The following MTM1 variants were observed in gnomAD, a reference collection of about 807,000 sequenced individuals.
MTM1 encodes myotubularin.
In MTM1, 9 loss-of-function variants were observed where a neutral mutation model predicts 52.1. That is an observed-to-expected ratio of 0.17 (90% CI 0.10 to 0.30). MTM1 has a LOEUF of 0.30. Ranked by LOEUF, MTM1 falls within the 10% of genes least tolerant of loss-of-function variation. The pLI, the probability that MTM1 is intolerant of heterozygous loss-of-function variation, is 1.00. For missense variants in MTM1, 277 were observed against 470.7 expected, an observed-to-expected ratio of 0.59 and a Z score of 3.81; for synonymous variants, 136 against 163.8, an observed-to-expected ratio of 0.83 and a Z score of 1.29.
rs1022385709 is a variant in MTM1, at chrX:150,638,993, A to G, written c.495A>G (p.Thr165=). The G allele has an allele frequency of 1.7e-6, 2 of 1,209,104 alleles. No homozygotes were observed. Among genetic ancestry groups the G allele is most frequent in the Non-Finnish European group, 2.2e-6 (2 of 892,854 alleles). Residue 165 remains threonine, a synonymous_variant, in exon 7 of 15, where the codon ACA becomes ACG. Coordinates refer to ENST00000370396, the MANE Select transcript of MTM1 (RefSeq NM_000252.3). The part of the protein sequence containing the change: ...NEEKFNVDGW[T]VYNPVEEYRR... ...AAAAGTTTAACGTGGATGGATGGACAGTTTACAATCCAGTGGAAGAATACA... is the reference window on the plus strand; with the variant it reads ...AAAAGTTTAACGTGGATGGATGGACGGTTTACAATCCAGTGGAAGAATACA...
At chrX:150,585,678 T>G (rs782211125) in intron 1 of MTM1, among the ~76,000 whole-genome samples, 2 of 112,148 alleles carry the variant, frequency 1.8e-5, no homozygotes, top group East Asian at 5.6e-4. Context: ...CTTGTTCCTA[T>G]TTTAAAACTT....
chrX:150,580,797 T>C (rs964828284), intron 1 of MTM1, among the ~76,000 whole-genome samples: 1 of 111,835 alleles, frequency 8.9e-6, no homozygotes, highest in Non-Finnish European at 1.9e-5. Context: ...CTTTGCATAC[T>C]CCTTCTCTAC....
chrX:150,580,688 A>G (rs1488594523), intron 1 of MTM1, among the ~76,000 whole-genome samples: 1 of 111,581 alleles, frequency 9.0e-6, no homozygotes, highest in Non-Finnish European at 1.9e-5. Flanking sequence ...TAACTGCTCC[A>G]AGTATGAAGA....
chrX:150,627,854 C>T (rs974233568), intron 6 of MTM1, among the ~76,000 whole-genome samples: 2 of 111,950 alleles, frequency 1.8e-5, no homozygotes, highest in Non-Finnish European at 3.8e-5. Flanking sequence ...TGGTTTGGGA[C>T]GCTTATGAAT....
At chrX:150,566,101 G>A (rs1263721670), upstream of MTM1, among the ~76,000 whole-genome samples, 1 of 110,643 alleles carries the variant, frequency 9.0e-6, no homozygotes, top group Non-Finnish European at 1.9e-5. Context: ...ATGTCACCAA[G>A]GGCAAGGCGG....
intron 6 of MTM1, among the ~76,000 whole-genome samples, chrX:150,628,124 A>T (rs1365925664): frequency 9.0e-6 from 1 of 111,278 alleles, no homozygotes; most frequent in Non-Finnish European, 1.9e-5. Flanking sequence ...TTCAGGCCCT[A>T]TCTCCTGTGC....
chrX:150,628,864 T>G (rs1379470857), intron 6 of MTM1, among the ~76,000 whole-genome samples: 1 of 109,823 alleles, frequency 9.1e-6, no homozygotes, highest in Non-Finnish European at 1.9e-5. Flanking sequence ...TTCTTTTCTT[T>G]TAGATGGTGT....
chrX:150,599,885 C>T (rs1373182180), intron 4 of MTM1, among the ~76,000 whole-genome samples: 1 of 112,151 alleles, frequency 8.9e-6, no homozygotes, highest in Non-Finnish European at 1.9e-5. Flanking sequence ...TTAACAACAG[C>T]GAGCTGCATG....
chrX:150,649,138 ATAT>A (rs1234931657), intron 9 of MTM1, among the ~76,000 whole-genome samples: 5 of 112,337 alleles, frequency 4.5e-5, no homozygotes, highest in Non-Finnish European at 9.4e-5. Flanking sequence ...GACCTAGGTA[ATAT>A]TATCCCCTAT....
At chrX:150,629,969 C>T (rs2039638053) in intron 6 of MTM1, among the ~76,000 whole-genome samples, 1 of 112,360 alleles carries the variant, frequency 8.9e-6, no homozygotes. Context: ...ATAGACATTG[C>T]CCAGTGAATG....
At chrX:150,668,511 AC>A (rs369348744) in intron 14 of MTM1, among the ~76,000 whole-genome samples, 31 of 84,262 alleles carry the variant, frequency 3.7e-4, no homozygotes, top group Admixed American at 2.2e-3. Flanking sequence ...ACATAGTGAG[AC>A]CCCCTCCTCC....
chrX:150,647,343 T>C, intron 9 of MTM1, among the ~76,000 whole-genome samples: 1 of 110,090 alleles, frequency 9.1e-6, no homozygotes, highest in Non-Finnish European at 1.9e-5. Flanking sequence ...TTAAAGCTCA[T>C]TCCAGCAACA....
Position 150,645,668 on chromosome X carries a change from C to A in MTM1, c.679-15C>A, listed in dbSNP as rs782203278. 1 of 1,208,020 alleles carries A rather than the reference C, an allele frequency of 8.3e-7. No individual in the cohort carries two copies. Among genetic ancestry groups the A allele is most frequent in the South Asian group, 1.8e-5 (1 of 56,912 alleles). On this transcript the variant is annotated splice_polypyrimidine_tract_variant and intron_variant, in intron 8 of 14. Coordinates refer to ENST00000370396, the MANE Select transcript of MTM1 (RefSeq NM_000252.3). ...TTGCTTTCTTGATAGCTTAAACTTTCTGACTTAACCATAGGTGCTGTCATG... is the reference window on the plus strand; with the variant it reads ...TTGCTTTCTTGATAGCTTAAACTTTATGACTTAACCATAGGTGCTGTCATG...
intron 14 of MTM1, 32 bp from the exon 15 acceptor site, chrX:150,671,396 A>T: frequency 8.3e-7 from 1 of 1,209,039 alleles, no homozygotes; most frequent in East Asian, 3.0e-5. Flanking sequence ...TGCGTGGCAT[A>T]AAGTGTAACT....
rs868983923 is a variant in MTM1 at position 150,571,369 on chromosome X, G to A, written c.-11+2707G>A. ...CCTAGAAGATTTTGACTCTGGATTG[G>A]GCAGCCTGCCCCAATTTGAATCCTG... On this transcript the variant is annotated intron_variant, in intron 1 of 14. Coordinates refer to ENST00000370396, the MANE Select transcript of MTM1 (RefSeq NM_000252.3). Among the ~76,000 whole-genome samples, 30 of 111,725 alleles carry A rather than the reference G, an allele frequency of 2.7e-4. 1 individual carries two copies. In the Middle Eastern group the frequency reaches 0.014, roughly 52 times the overall value.
rs781791352 is a variant in MTM1 at position 150,638,972 on chromosome X, G to T, written c.474G>T (p.Lys158Asn). The change falls in exon 7 of 15, where the codon AAG becomes AAT. Residue 158 changes from lysine to asparagine, a missense_variant. Around this residue, in one of 4 missense-constraint regions of MTM1, gnomAD observed 164 missense variants for 283.3 expected, o/e 0.58. Coordinates refer to ENST00000370396, the MANE Select transcript of MTM1 (RefSeq NM_000252.3). ...TATTTGCATTTTTAAATGAAGAAAA[G>T]TTTAACGTGGATGGATGGACAGTTT... ...LPLFAFLNEEKFNVDGWTVYN... is the reference protein window; with the variant it reads ...LPLFAFLNEENFNVDGWTVYN... The T allele has an allele frequency of 1.7e-6, 2 of 1,209,233 alleles. No individual in the cohort carries two copies. Among genetic ancestry groups the T allele is most frequent in the Admixed American group, 4.3e-5 (2 of 45,998 alleles).
At chrX:150,612,348 A>C (rs1232692532) in intron 4 of MTM1, among the ~76,000 whole-genome samples, 1 of 111,783 alleles carries the variant, frequency 8.9e-6, no homozygotes, top group African/African-American at 3.3e-5. Flanking sequence ...TAGATAACCC[A>C]TGAGCTGCAT....
At chrX:150,603,173 G>A (rs782130087) in intron 4 of MTM1, among the ~76,000 whole-genome samples, 23 of 111,830 alleles carry the variant, frequency 2.1e-4, no homozygotes, top group African/African-American at 6.5e-4. Context: ...TTTCTGTATC[G>A]CATGTATAAC....
chrX:150,597,384 C>T (rs1276314429), intron 3 of MTM1, among the ~76,000 whole-genome samples: 3 of 112,036 alleles, frequency 2.7e-5, no homozygotes, highest in Non-Finnish European at 5.6e-5. Context: ...CAAACTTGCA[C>T]ACATTCTAGT....
Sources: gnomAD v4.1 joint callset for allele counts (sites outside exome capture counted in the v4.1 genomes callset) on GRCh38, gnomAD v4.1.1 for gene constraint, gnomAD v4.1.1 regional missense constraint, MANE v1.5 for transcripts, NCBI Gene and HGNC (gene_info 2026-07-23, HGNC 2026-07-21) for gene names.